SLC6A4: variants seen among roughly 807,000 people sequenced by gnomAD.
The protein encoded by SLC6A4 is solute carrier family 6 member 4, also known as sodium-dependent serotonin transporter.
In SLC6A4, 22 loss-of-function variants were observed where a neutral mutation model predicts 73.4. The observed-to-expected ratio is 0.30, with a 90% CI of 0.21 to 0.43. The LOEUF (loss-of-function observed/expected upper bound fraction) is 0.43. SLC6A4 is among the 20% of genes least tolerant of loss of function. The pLI is 1.00. For synonymous variants in SLC6A4, 270 were observed against 315.5 expected (o/e 0.86, Z 1.53); for missense variants, 593 against 808.5 (o/e 0.73, Z 3.23).
chr17:30,220,094 C>T (rs1427849819), intron 3 of SLC6A4, among the ~76,000 whole-genome samples: 1 of 152,156 alleles, frequency 6.6e-6, no homozygotes, highest in Non-Finnish European at 1.5e-5. Context: ...GCAGGAAGCG[C>T]TGAGCTTCCC....
chr17:30,215,521 C>T (rs573066370), intron 8 of SLC6A4, 90 bp downstream of exon 8: 10 of 1,063,012 alleles, frequency 9.4e-6, no homozygotes, highest in Middle Eastern at 2.0e-4. Context: ...TGGCCAGATT[C>T]GAGGCCGTCG....
At position 30,198,442 on chromosome 17, in the gene SLC6A4, T is replaced by C. The variant is rs770693696; in HGVS notation, c.*14A>G. The C allele has an allele frequency of 6.5e-7, 1 of 1,543,740 alleles. No individual in the cohort carries two copies. The highest frequency in any genetic ancestry group is 1.1e-5 in the South Asian group (1 of 88,080). Reference sequence around the variant, plus strand: ...GGAGGTTGTGGAGAAGCCTTTTTCCTCTCGGTGAGTGTGTTACACAGCATT... The same window carrying C: ...GGAGGTTGTGGAGAAGCCTTTTTCCCCTCGGTGAGTGTGTTACACAGCATT... On this transcript the variant is annotated 3_prime_UTR_variant, in exon 15 of 15. Transcript: ENST00000650711.
chr17:30,214,970 CTTCT>C (rs1037245101), intron 8 of SLC6A4, among the ~76,000 whole-genome samples: 33 of 140,292 alleles, frequency 2.4e-4, no homozygotes, highest in East Asian at 4.3e-4. Context: ...TTCCTTCTTT[CTTCT>C]TTCTTTCTTT....
chr17:30,230,134 G>A (rs1037618240), intron 1 of SLC6A4, among the ~76,000 whole-genome samples: 13 of 147,022 alleles, frequency 8.8e-5, no homozygotes, highest in African/African-American at 3.4e-4. Context: ...AGGAGGAGGA[G>A]GAGGAGGAGG....
chr17:30,205,713 A>G (rs56230204), intron 13 of SLC6A4, among the ~76,000 whole-genome samples: 2,113 of 152,278 alleles, frequency 0.014, 48 homozygotes, highest in African/African-American at 0.049. Flanking sequence ...TTGATTTTGG[A>G]AACCTCCAGG....
chr17:30,218,088 C>A, intron 5 of SLC6A4, 30 bp downstream of exon 5: 1 of 1,593,628 alleles, frequency 6.3e-7, no homozygotes, highest in Non-Finnish European at 8.6e-7. Context: ...CTGCCCCTAA[C>A]AGGCCAACCC....
intron 11 of SLC6A4, among the ~76,000 whole-genome samples, chr17:30,210,186 T>C (rs1274645925): frequency 6.6e-6 from 1 of 152,040 alleles, no homozygotes. Flanking sequence ...GTCAGGGCAG[T>C]ATCCTCAAGA....
At chr17:30,213,292 A>ATTT (rs979386720) in intron 8 of SLC6A4, among the ~76,000 whole-genome samples, 1 of 134,052 alleles carries the variant, frequency 7.5e-6, no homozygotes, top group African/African-American at 2.9e-5. Context: ...AGATACCCTC[A>ATTT]TTTTTTTTTC....
chr17:30,217,093 G>T, intron 6 of SLC6A4, 73 bp downstream of exon 6: 1 of 1,339,086 alleles, frequency 7.5e-7, no homozygotes. Flanking sequence ...GTCTGTCCAG[G>T]CTACTGGGTT....
At chr17:30,218,500 T>C (rs1906652028) in intron 4 of SLC6A4, among the ~76,000 whole-genome samples, 163 bp from the exon 5 acceptor site, 1 of 152,200 alleles carries the variant, frequency 6.6e-6, no homozygotes. Flanking sequence ...GTGGGAAAAG[T>C]GGCCCTGCCG....
chr17:30,216,688 A>G (rs1340542346), intron 6 of SLC6A4, among the ~76,000 whole-genome samples: 1 of 141,736 alleles, frequency 7.1e-6, no homozygotes, highest in African/African-American at 2.6e-5. Flanking sequence ...TTTTTTTTTT[A>G]GTGAGACAGA....
At chr17:30,229,130 G>A (rs1907012997) in intron 1 of SLC6A4, among the ~76,000 whole-genome samples, 1 of 152,170 alleles carries the variant, frequency 6.6e-6, no homozygotes, top group East Asian at 1.9e-4. Context: ...GAGGAGGAGG[G>A]CTGCCTTAAC....
At chr17:30,201,534 C>G (rs982828887) in intron 14 of SLC6A4, among the ~76,000 whole-genome samples, 1 of 152,222 alleles carries the variant, frequency 6.6e-6, no homozygotes, top group Non-Finnish European at 1.5e-5. Context: ...TAACCTAACA[C>G]AGTTCCCACC....
At chr17:30,220,736 GA>G (rs1273718757) in intron 3 of SLC6A4, among the ~76,000 whole-genome samples, 3 of 152,124 alleles carry the variant, frequency 2.0e-5, no homozygotes, top group African/African-American at 7.3e-5. Context: ...CTTCCCAGCA[GA>G]ACTTGCCAGC....
At chr17:30,223,048 C>T in intron 1 of SLC6A4, 133 bp from the exon 2 acceptor site, 2 of 369,088 alleles carry the variant, frequency 5.4e-6, no homozygotes, top group Non-Finnish European at 1.1e-5. Flanking sequence ...GCAGGGAAGT[C>T]AGCTCAGCTC....
chr17:30,230,032 G>GAAA (rs1907037535), intron 1 of SLC6A4, among the ~76,000 whole-genome samples: 1 of 140,346 alleles, frequency 7.1e-6, no homozygotes, highest in Non-Finnish European at 1.5e-5. Flanking sequence ...AAAAGAAGAA[G>GAAA]AAGAAAAAGA....
chr17:30,203,410 C>CACAA, intron 13 of SLC6A4, 71 bp from the exon 14 acceptor site: 1 of 1,239,796 alleles, frequency 8.1e-7, no homozygotes, highest in South Asian at 1.3e-5. Context: ...TTTCCGATAC[C>CACAA]ACAAACACCA....
In SLC6A4 at chr17:30,235,192, C is replaced by T. The variant is rs114216882; in HGVS notation, c.-221+421G>A. On this transcript the variant is annotated intron_variant, in intron 1 of 14. Coordinates refer to ENST00000650711, the MANE Select transcript of SLC6A4 (RefSeq NM_001045.6). The surrounding 1 kb of genome is among the most constrained non-coding windows in gnomAD (Gnocchi z 4.5). ...CCAGAACTCTCCCTTTGCATAAAGC[C>T]ACCTGCACGCGATGACAGCAAAGTA... 1.2e-4 allele frequency among the ~76,000 whole-genome samples: 19 copies of T among 152,298 alleles called. No homozygotes were observed. The highest frequency in any genetic ancestry group is 4.6e-4 in the African/African-American group (19 of 41,564).
Position 30,222,824 on chromosome 17 carries a change from GTTC to G in SLC6A4, c.-132_-130del, listed in dbSNP as rs897237027. The G allele has an allele frequency of 5.4e-6, 7 of 1,304,600 alleles. No homozygotes were observed. The highest frequency in any genetic ancestry group is 7.1e-6 in the Non-Finnish European group (7 of 988,944). The allele number at this position is 1,304,600 out of a possible 1,614,324, so 80.8% of individuals were successfully genotyped here. ...TAAACGGCACTGCTGCTCACCATTTGTTCTTCTTTCCACTTGCCAGCAACTCCT... is the reference window on the plus strand; with the variant it reads ...TAAACGGCACTGCTGCTCACCATTTGTTCTTTCCACTTGCCAGCAACTCCT... On this transcript the variant is annotated 5_prime_UTR_variant, in exon 2 of 15. Coordinates refer to ENST00000650711, the MANE Select transcript of SLC6A4 (RefSeq NM_001045.6).
Sources: allele counts gnomAD v4.1 joint callset (sites outside exome capture counted in the v4.1 genomes callset), GRCh38; gene constraint gnomAD v4.1.1; non-coding constraint Gnocchi (gnomAD v3.1); transcripts MANE v1.5; gene names NCBI Gene and HGNC (gene_info 2026-07-23, HGNC 2026-07-21).